Variants in PCSK5 observed in about 807,000 individuals in gnomAD.
PCSK5 encodes the protein prohormone convertase 5.
PCSK5 carries 129 observed loss-of-function variants against 233.2 expected under a neutral mutation model. That is an observed-to-expected ratio of 0.55 (90% CI 0.48 to 0.64). PCSK5 has a LOEUF of 0.64. Among genes scored for constraint, PCSK5 ranks in the 30% least tolerant of loss-of-function variants. The probability of loss-of-function intolerance (pLI) is 0.00; values close to 1 mark genes in which losing one functional copy is unlikely to be tolerated. For synonymous variants in PCSK5, 825 were observed against 879.2 expected (o/e 0.94, Z 1.09); for missense variants, 2,076 against 2,430.1 (o/e 0.85, Z 3.06).
chr9:76,220,392 T>C (rs2131299796), intron 20 of PCSK5, among the ~76,000 whole-genome samples: 1 of 151,726 alleles, frequency 6.6e-6, no homozygotes, highest in South Asian at 2.1e-4. Flanking sequence ...CTGGGCGTGG[T>C]GGTGGGCGCC....
chr9:76,348,594 C>T (rs1830038033), intron 35 of PCSK5, among the ~76,000 whole-genome samples: 1 of 151,338 alleles, frequency 6.6e-6, no homozygotes, highest in South Asian at 2.1e-4. Context: ...CAAGATTCCA[C>T]CTCAAAAAAA....
chr9:75,900,980 G>GGT (rs1826006242), intron 1 of PCSK5, among the ~76,000 whole-genome samples: 1 of 151,992 alleles, frequency 6.6e-6, no homozygotes, highest in African/African-American at 2.4e-5. Context: ...GGGCATGCAG[G>GGT]GTGTAAGTAA....
chr9:76,325,309 T>C lies in PCSK5; in HGVS notation c.4339+2021T>C, dbSNP rs1264570639. Among the ~76,000 whole-genome samples the C allele has an allele frequency of 7.9e-5, 12 of 152,300 alleles. No homozygotes were observed. The East Asian group carries it at 2.3e-3, about 29-fold the overall frequency. On this transcript the variant is annotated intron_variant, in intron 32 of 37. Transcript: ENST00000674117. ...GTTGAATAATGAAAGTAATTTACCA[T>C]ACAGAGAGCTTTACAGGTCTCAGAG...
At chr9:76,246,727 T>C (rs1397016608) in intron 24 of PCSK5, among the ~76,000 whole-genome samples, 1 of 152,198 alleles carries the variant, frequency 6.6e-6, no homozygotes, top group African/African-American at 2.4e-5. Context: ...ATATACACAA[T>C]AGAGCACTCT....
intron 32 of PCSK5, 108 bp downstream of exon 32, chr9:76,323,396 T>C (rs1829268611): frequency 1.5e-6 from 1 of 688,346 alleles, no homozygotes. Flanking sequence ...GTTTTGTTTT[T>C]GTTTTGGGAC....
chr9:76,350,753 C>A, intron 35 of PCSK5, 75 bp from the exon 36 acceptor site: 1 of 901,066 alleles, frequency 1.1e-6, no homozygotes. Context: ...ATTCCTTGTT[C>A]CTAAGTGTTC....
intron 20 of PCSK5, 55 bp from the exon 21 acceptor site, chr9:76,227,448 C>A: frequency 7.9e-7 from 1 of 1,259,240 alleles, no homozygotes; most frequent in Non-Finnish European, 1.1e-6. Context: ...AGACTGACAG[C>A]CCAGGCAGGC....
chr9:76,291,679 T>C (rs986459749), intron 24 of PCSK5, among the ~76,000 whole-genome samples: 1 of 152,196 alleles, frequency 6.6e-6, no homozygotes, highest in East Asian at 1.9e-4. Flanking sequence ...CAGGGATGCA[T>C]TGAATCATTA....
intron 4 of PCSK5, among the ~76,000 whole-genome samples, chr9:76,025,852 A>G (rs1018629686): frequency 3.9e-5 from 6 of 152,204 alleles, no homozygotes; most frequent in African/African-American, 9.7e-5. Flanking sequence ...CTACTATACT[A>G]AAATGAATGC....
intron 22 of PCSK5, 134 bp from the exon 23 acceptor site, chr9:76,238,825 C>A: frequency 1.6e-6 from 1 of 640,494 alleles, no homozygotes; most frequent in Non-Finnish European, 2.7e-6. Flanking sequence ...TTAAATCCAT[C>A]CTTACACCCC....
At chr9:76,199,976 A>G (rs899071473) in intron 20 of PCSK5, among the ~76,000 whole-genome samples, 2 of 152,038 alleles carry the variant, frequency 1.3e-5, no homozygotes, top group Non-Finnish European at 2.9e-5. Flanking sequence ...GTATTTCCAA[A>G]TATATCTCTA....
At chr9:75,918,627 T>C (rs1823110605) in intron 1 of PCSK5, among the ~76,000 whole-genome samples, 1 of 152,216 alleles carries the variant, frequency 6.6e-6, no homozygotes, top group Non-Finnish European at 1.5e-5. Context: ...TCCAAATGAC[T>C]CCATCATGTA....
At chr9:76,275,620 T>A (rs190516886) in intron 24 of PCSK5, among the ~76,000 whole-genome samples, 1 of 152,272 alleles carries the variant, frequency 6.6e-6, no homozygotes, top group African/African-American at 2.4e-5. Flanking sequence ...AGACAGGGTT[T>A]CACCATGTTG....
chr9:76,288,576 C>T (rs1828158997), intron 24 of PCSK5, among the ~76,000 whole-genome samples: 1 of 152,194 alleles, frequency 6.6e-6, no homozygotes, highest in East Asian at 1.9e-4. Context: ...CATAGGGAGA[C>T]CTGGTCTCTT....
At chr9:76,014,227 T>G (rs749621896) in intron 3 of PCSK5, among the ~76,000 whole-genome samples, 1 of 152,182 alleles carries the variant, frequency 6.6e-6, no homozygotes, top group Non-Finnish European at 1.5e-5. Flanking sequence ...CATGTTCCCA[T>G]AATTATTAAA....
chr9:76,086,372 T>C (rs1161993345), intron 7 of PCSK5, among the ~76,000 whole-genome samples: 2 of 152,156 alleles, frequency 1.3e-5, no homozygotes, highest in African/African-American at 4.8e-5. Flanking sequence ...TTCCAGCCAG[T>C]GTGAGATGCC....
chr9:76,134,045 G>A, intron 9 of PCSK5, 64 bp from the exon 10 acceptor site: 1 of 1,058,982 alleles, frequency 9.4e-7, no homozygotes, highest in East Asian at 2.5e-5. Context: ...ATTTGCTTGT[G>A]ACTCTCTGCT....
Position 76,323,070 on chromosome 9 carries a change from T to C in PCSK5, c.4121T>C (p.Phe1374Ser), listed in dbSNP as rs1337013493. 6.2e-7 allele frequency: 1 copy of C among 1,602,788 alleles called. No homozygotes were observed. Among genetic ancestry groups the C allele is most frequent in the Admixed American group, 1.7e-5 (1 of 58,714 alleles). The change falls in exon 32 of 38, where the codon TTC (phenylalanine) becomes TCC (serine). Residue 1374 changes from phenylalanine to serine, a missense_variant. Phe to Ser is a radical substitution (Grantham distance 155). Transcript: ENST00000674117. ...KTCKECTPEF[F>S]LHDDMCHQSC... ...TTCCCAGAGTGCACGCCTGAGTTCT[T>C]CCTGCACGATGATATGTGCCACCAG...
intron 5 of PCSK5, among the ~76,000 whole-genome samples, chr9:76,038,207 C>T (rs1297071779): frequency 2.0e-5 from 3 of 152,146 alleles, no homozygotes; most frequent in Non-Finnish European, 4.4e-5. Flanking sequence ...ATTTTCTCTC[C>T]AACCCTTCCG....
Sources: allele counts gnomAD v4.1 joint callset (sites outside exome capture counted in the v4.1 genomes callset), GRCh38; gene constraint gnomAD v4.1.1; transcripts MANE v1.5; gene names NCBI Gene and HGNC (gene_info 2026-07-23, HGNC 2026-07-21).